DLGAP2: variants seen among roughly 807,000 people sequenced by gnomAD.
The protein encoded by DLGAP2 is DLG associated protein 2.
DLGAP2 carries 26 observed loss-of-function variants against 100.3 expected under a neutral mutation model. The observed-to-expected ratio is 0.26, with a 90% CI of 0.19 to 0.36. DLGAP2 has a LOEUF of 0.36. Ranked by LOEUF, DLGAP2 falls within the 10% of genes least tolerant of loss-of-function variation. The probability of loss-of-function intolerance (pLI) is 1.00; values close to 1 mark genes in which losing one functional copy is unlikely to be tolerated. For missense variants in DLGAP2, 1,858 were observed against 1,453.2 expected, an observed-to-expected ratio of 1.28 and a Z score of -4.53; for synonymous variants, 886 against 630.1, an observed-to-expected ratio of 1.41 and a Z score of -6.08.
intron 2 of DLGAP2, among the ~76,000 whole-genome samples, chr8:1,085,539 C>T (rs1002255869): frequency 1.3e-4 from 20 of 152,238 alleles, no homozygotes; most frequent in African/African-American, 3.4e-4. Flanking sequence ...GTGCTTTTCC[C>T]GTGTGTATTC....
chr8:786,369 A>G (rs1164110348), intron 1 of DLGAP2, among the ~76,000 whole-genome samples: 2 of 152,132 alleles, frequency 1.3e-5, no homozygotes, highest in African/African-American at 4.8e-5. Flanking sequence ...GGTGCTTCTC[A>G]TGCCTGCATC....
At chr8:1,181,852 A>G (rs1182353399) in intron 2 of DLGAP2, among the ~76,000 whole-genome samples, 2 of 152,144 alleles carry the variant, frequency 1.3e-5, no homozygotes, top group African/African-American at 4.8e-5. Flanking sequence ...TCCTCCCTGC[A>G]CGGCACCCCC....
intron 1 of DLGAP2, among the ~76,000 whole-genome samples, chr8:797,442 T>G (rs1796059182): frequency 6.6e-6 from 1 of 152,164 alleles, no homozygotes; most frequent in African/African-American, 2.4e-5. Flanking sequence ...ACATTTCGCC[T>G]TTCCATTCTC....
intron 3 of DLGAP2, among the ~76,000 whole-genome samples, chr8:1,329,054 G>C (rs1801088987): frequency 6.6e-6 from 1 of 152,224 alleles, no homozygotes; most frequent in Admixed American, 6.5e-5. Context: ...GTGATGACTT[G>C]GCTAAACTGC....
chr8:1,606,953 G>T (rs1396684487), intron 6 of DLGAP2, among the ~76,000 whole-genome samples: 1 of 152,184 alleles, frequency 6.6e-6, no homozygotes, highest in Admixed American at 6.5e-5. Context: ...CCAAAGTGCT[G>T]GGATTACAGG....
At chr8:1,677,279 C>G (rs1018590714) in intron 11 of DLGAP2, among the ~76,000 whole-genome samples, 9 of 152,154 alleles carry the variant, frequency 5.9e-5, no homozygotes, top group Non-Finnish European at 1.2e-4. Flanking sequence ...AATTCCGACC[C>G]CAGCTTATGG....
At chr8:1,678,048 C>T (rs1006726102) in intron 11 of DLGAP2, among the ~76,000 whole-genome samples, 166 bp from the exon 12 acceptor site, 2 of 152,202 alleles carry the variant, frequency 1.3e-5, no homozygotes, top group Non-Finnish European at 2.9e-5. Flanking sequence ...ACCAAATGTT[C>T]TTCCACAGAC....
chr8:1,194,754 G>C (rs1173288080), intron 2 of DLGAP2, among the ~76,000 whole-genome samples: 2 of 152,198 alleles, frequency 1.3e-5, no homozygotes, highest in African/African-American at 4.8e-5. Flanking sequence ...AGCTTCATTA[G>C]ACCTGAAGTT....
At chr8:890,949 G>C (rs533761512) in intron 1 of DLGAP2, among the ~76,000 whole-genome samples, 52 of 152,220 alleles carry the variant, frequency 3.4e-4, no homozygotes, top group African/African-American at 1.2e-3. Flanking sequence ...CCCCTTACTG[G>C]CTCCCCCTTG....
chr8:1,264,152 G>C (rs1585205399), intron 3 of DLGAP2, among the ~76,000 whole-genome samples: 1 of 143,244 alleles, frequency 7.0e-6, no homozygotes, highest in Non-Finnish European at 1.5e-5. Context: ...GTGCATAGTT[G>C]AGCTTGGATG....
At chr8:1,165,333 A>G (rs886269422) in intron 2 of DLGAP2, among the ~76,000 whole-genome samples, 10 of 152,140 alleles carry the variant, frequency 6.6e-5, no homozygotes, top group Non-Finnish European at 1.3e-4. Flanking sequence ...ATACAGCATC[A>G]GCCCTCAGGG....
intron 3 of DLGAP2, among the ~76,000 whole-genome samples, chr8:1,316,588 C>T (rs1353170801): frequency 2.1e-5 from 3 of 140,874 alleles, no homozygotes; most frequent in Non-Finnish European, 4.6e-5. Flanking sequence ...GGTCTACACT[C>T]GAGACACTCG....
chr8:1,355,886 A>G (rs750039358), intron 3 of DLGAP2, among the ~76,000 whole-genome samples: 5 of 152,172 alleles, frequency 3.3e-5, no homozygotes, highest in Non-Finnish European at 7.3e-5. Flanking sequence ...TGTCTGCATT[A>G]TAATCACCTG....
chr8:1,550,225 CTG>C (rs1801716497), intron 5 of DLGAP2, among the ~76,000 whole-genome samples: 2 of 152,198 alleles, frequency 1.3e-5, no homozygotes, highest in Admixed American at 1.3e-4. Flanking sequence ...GTAGTGTCCC[CTG>C]TGTATGTACC....
intron 5 of DLGAP2, among the ~76,000 whole-genome samples, chr8:1,555,106 T>TG (rs1402114613): frequency 4.6e-5 from 7 of 151,952 alleles, no homozygotes; most frequent in African/African-American, 1.7e-4. Context: ...ATAGGAGAGT[T>TG]GGGGTGTGGC....
chr8:1,183,472 A>C (rs1030450771), intron 2 of DLGAP2, among the ~76,000 whole-genome samples: 1 of 152,214 alleles, frequency 6.6e-6, no homozygotes, highest in Admixed American at 6.5e-5. Context: ...GAGTCATTGC[A>C]AATGTTTACT....
intron 14 of DLGAP2, among the ~76,000 whole-genome samples, chr8:1,700,079 G>C (rs1210288980): frequency 2.0e-5 from 3 of 152,182 alleles, no homozygotes; most frequent in Non-Finnish European, 4.4e-5. Flanking sequence ...TTCTGGCCTA[G>C]TCACGTAAAA....
intron 2 of DLGAP2, among the ~76,000 whole-genome samples, chr8:1,141,118 C>T (rs191901214): frequency 1.1e-3 from 166 of 152,202 alleles, no homozygotes; most frequent in Non-Finnish European, 2.1e-3. Context: ...ATGGGGAGGC[C>T]GTGCTGCCTG....
At chr8:1,451,952 C>G (rs1441154154) in intron 3 of DLGAP2, among the ~76,000 whole-genome samples, 1 of 152,278 alleles carries the variant, frequency 6.6e-6, no homozygotes. Flanking sequence ...CTGTCCACCA[C>G]TCCCATATCT....
Sources: allele counts gnomAD v4.1 joint callset (sites outside exome capture counted in the v4.1 genomes callset), GRCh38; gene constraint gnomAD v4.1.1; transcripts MANE v1.5; gene names NCBI Gene and HGNC (gene_info 2026-07-23, HGNC 2026-07-21).